The following STK32B variants were observed in gnomAD, a reference collection of about 807,000 sequenced individuals.
STK32B encodes the protein serine/threonine kinase 32B.
STK32B carries 43 observed loss-of-function variants against 52.6 expected under a neutral mutation model. The observed-to-expected ratio is 0.82, with a 90% CI of 0.64 to 1.05. The LOEUF (loss-of-function observed/expected upper bound fraction) is 1.05. Ranked by LOEUF, STK32B falls within the 50% of genes least tolerant of loss-of-function variation. The pLI is 0.00. For missense variants in STK32B, 621 were observed against 534.6 expected, an observed-to-expected ratio of 1.16 and a Z score of -1.59; for synonymous variants, 238 against 204.3, an observed-to-expected ratio of 1.17 and a Z score of -1.41.
At chr4:5,249,169 A>G (rs1725696478) in intron 3 of STK32B, among the ~76,000 whole-genome samples, 1 of 152,194 alleles carries the variant, frequency 6.6e-6, no homozygotes, top group African/African-American at 2.4e-5. Context: ...TGTTGCTGCT[A>G]CAGGCAAGCA....
chr4:5,027,714 G>A, the STK32B span, among the ~76,000 whole-genome samples: 1 of 152,184 alleles, frequency 6.6e-6, no homozygotes, highest in South Asian at 2.1e-4. Flanking sequence ...TTACAGGAGT[G>A]ATGATGGGCC....
At chr4:5,139,346 C>T (rs77438591) in intron 1 of STK32B, among the ~76,000 whole-genome samples, 1,907 of 152,282 alleles carry the variant, frequency 0.013, 46 homozygotes, top group African/African-American at 0.042. Context: ...TTGACACATA[C>T]AGCCAAGGCT....
Position 5,293,356 on chromosome 4 carries a change from A to C in STK32B, c.261-37864A>C, listed in dbSNP as rs186435962. Among the ~76,000 whole-genome samples, 313 of 152,178 alleles carry C rather than the reference A, an allele frequency of 2.1e-3. 1 individual carries two copies. Among genetic ancestry groups the C allele is most frequent in the African/African-American group, 7.2e-3 (301 of 41,538 alleles). On this transcript the variant is annotated intron_variant, in intron 3 of 11. Coordinates refer to ENST00000282908, the MANE Select transcript of STK32B (RefSeq NM_018401.3). ...TATTTTTGGTTCTAGATCCTTCAGG[A>C]ATCTCCACACTGTCTTCCACAATGG...
chr4:5,023,527 G>A, the STK32B span, among the ~76,000 whole-genome samples: 1 of 152,246 alleles, frequency 6.6e-6, no homozygotes, highest in South Asian at 2.1e-4. Context: ...TGACACCCTG[G>A]TGCAGGCCTT....
chr4:5,303,201 G>T lies in STK32B; in HGVS notation c.261-28019G>T, dbSNP rs1729686019. Among the ~76,000 whole-genome samples, 3 of 152,110 alleles carry T rather than the reference G, an allele frequency of 2.0e-5. No homozygotes were observed. The South Asian group carries it at 6.2e-4, about 32-fold the overall frequency. ...TTTTCCTCAGGGTAGATACCCAGGA[G>T]GGGGCATTGCTGGATCAAATGGTAG... On this transcript the variant is annotated intron_variant, in intron 3 of 11. Coordinates refer to ENST00000282908, the MANE Select transcript of STK32B (RefSeq NM_018401.3).
intron 3 of STK32B, among the ~76,000 whole-genome samples, chr4:5,317,534 TAC>T (rs1365465795): frequency 5.0e-5 from 5 of 100,006 alleles, no homozygotes; most frequent in Non-Finnish European, 6.8e-5. Context: ...ATATATATAT[TAC>T]ATGTATATAT....
chr4:5,345,061 G>C (rs886266060), intron 4 of STK32B, among the ~76,000 whole-genome samples: 1 of 150,726 alleles, frequency 6.6e-6, no homozygotes, highest in Non-Finnish European at 1.5e-5. Flanking sequence ...AAAAAAAAAA[G>C]AAAACAAAAA....
At chr4:5,365,390 A>T (rs573689979) in intron 4 of STK32B, among the ~76,000 whole-genome samples, 7 of 152,324 alleles carry the variant, frequency 4.6e-5, no homozygotes, top group Admixed American at 1.3e-4. Flanking sequence ...GGCACACAGT[A>T]GGTTCTTGGT....
intron 6 of STK32B, among the ~76,000 whole-genome samples, chr4:5,444,509 C>T (rs1715191617): frequency 6.6e-6 from 1 of 152,190 alleles, no homozygotes; most frequent in Admixed American, 6.5e-5. Context: ...TCTGGCACTC[C>T]CTAGTGAGAT....
chr4:5,242,428 G>GT (rs1370487343), intron 3 of STK32B, among the ~76,000 whole-genome samples: 1 of 152,028 alleles, frequency 6.6e-6, no homozygotes, highest in Non-Finnish European at 1.5e-5. Flanking sequence ...GGGGTTGTTT[G>GT]TTTTTTTCCT....
intron 3 of STK32B, among the ~76,000 whole-genome samples, chr4:5,177,780 T>C (rs1720036062): frequency 6.6e-6 from 1 of 152,212 alleles, no homozygotes; most frequent in South Asian, 2.1e-4. Flanking sequence ...AGGGCAGTCA[T>C]TAAACCTTTA....
At chr4:5,028,856 G>T in the STK32B span, among the ~76,000 whole-genome samples, 2 of 152,168 alleles carry the variant, frequency 1.3e-5, no homozygotes, top group African/African-American at 2.4e-5. Flanking sequence ...GGTTTAATTG[G>T]CTTATGGTTC....
chr4:5,019,516 A>G, the STK32B span: 23 of 1,377,786 alleles, frequency 1.7e-5, no homozygotes, highest in South Asian at 3.1e-4. Flanking sequence ...GGGCGGCTCC[A>G]CGCCTCCACT....
At chr4:5,338,780 T>C (rs1385321328) in intron 4 of STK32B, among the ~76,000 whole-genome samples, 2 of 152,318 alleles carry the variant, frequency 1.3e-5, no homozygotes, top group South Asian at 4.2e-4. Flanking sequence ...AGATCTACCC[T>C]GGGGAAAAGG....
intron 3 of STK32B, among the ~76,000 whole-genome samples, chr4:5,183,329 T>C (rs1720498810): frequency 1.3e-5 from 2 of 151,904 alleles, no homozygotes; most frequent in African/African-American, 4.8e-5. Flanking sequence ...AATACAAAAT[T>C]AGCTGGGCGT....
intron 3 of STK32B, among the ~76,000 whole-genome samples, chr4:5,247,521 C>A (rs189464745): frequency 6.6e-6 from 1 of 152,314 alleles, no homozygotes; most frequent in Admixed American, 6.5e-5. Context: ...TTGCACTTCT[C>A]GGGTGAGGCG....
rs931010007 is a variant in STK32B at position 5,262,517 on chromosome 4, C to T, written c.261-68703C>T. 6.6e-5 allele frequency among the ~76,000 whole-genome samples: 10 copies of T among 150,732 alleles called. No individual in the cohort carries two copies. In the South Asian group the frequency reaches 8.4e-4, roughly 13 times the overall value. On this transcript the variant is annotated intron_variant, in intron 3 of 11. Coordinates refer to ENST00000282908, the MANE Select transcript of STK32B (RefSeq NM_018401.3). ...GCGGGCGCCTGTAGTCCCAGCTACT[C>T]GGGAGGCTGCGGCAGGAGAATGGCG... is the stretch of plus-strand genomic sequence containing the variant.
At chr4:5,436,693 A>T (rs140658282) in intron 6 of STK32B, 1 of 982,752 alleles carries the variant, frequency 1.0e-6, no homozygotes, top group African/African-American at 1.7e-5. Context: ...AATCACGCAG[A>T]ATTGGCAGCT....
chr4:5,242,354 T>G (rs1170396137), intron 3 of STK32B, among the ~76,000 whole-genome samples: 1 of 152,254 alleles, frequency 6.6e-6, no homozygotes, highest in East Asian at 1.9e-4. Context: ...TTCATGTGTT[T>G]TTTGGCTGCA....
Sources: allele counts gnomAD v4.1 joint callset (sites outside exome capture counted in the v4.1 genomes callset), GRCh38; gene constraint gnomAD v4.1.1; transcripts MANE v1.5; gene names NCBI Gene and HGNC (gene_info 2026-07-23, HGNC 2026-07-21).